AQP7B: variants seen among roughly 807,000 people sequenced by gnomAD.
AQP7B encodes putative aquaporin-7B.
chr2:94,588,695 G>A, the AQP7B span: 1 of 623,414 alleles, frequency 1.6e-6, no homozygotes, highest in Non-Finnish European at 2.9e-6. Flanking sequence ...TCACCTCTGA[G>A]GTCCCAGAAG....
At chr2:94,597,629 T>A in the AQP7B span, among the ~76,000 whole-genome samples, 6 of 151,646 alleles carry the variant, frequency 4.0e-5, no homozygotes, top group African/African-American at 1.5e-4. Flanking sequence ...TTTTTTTGTT[T>A]TTTTTTTGAG....
the AQP7B span, among the ~76,000 whole-genome samples, chr2:94,596,568 T>C: frequency 6.6e-6 from 1 of 152,350 alleles, no homozygotes; most frequent in East Asian, 1.9e-4. Flanking sequence ...GGTCTCTCCC[T>C]GGCTTAAAGC....
chr2:94,589,348 G>C, the AQP7B span, among the ~76,000 whole-genome samples: 4 of 152,072 alleles, frequency 2.6e-5, no homozygotes. Context: ...CAAGCTGAGA[G>C]TCCTCTGGTG....
chr2:94,599,165 T>A, the AQP7B span, among the ~76,000 whole-genome samples: 2 of 152,158 alleles, frequency 1.3e-5, no homozygotes, highest in African/African-American at 4.8e-5. Flanking sequence ...GGGGCCCCTC[T>A]GTTTTCAGAC....
the AQP7B span, among the ~76,000 whole-genome samples, chr2:94,596,155 C>A: frequency 6.6e-6 from 1 of 152,228 alleles, no homozygotes; most frequent in Admixed American, 6.5e-5. Flanking sequence ...AAGGTGAGCA[C>A]TGGCAAGAGG....
chr2:94,604,350 G>C, the AQP7B span: 1 of 1,611,026 alleles, frequency 6.2e-7, no homozygotes, highest in African/African-American at 1.3e-5. Flanking sequence ...TCTCTAGGTG[G>C]CATCATCTAC....
chr2:94,589,770 C>A, the AQP7B span, among the ~76,000 whole-genome samples: 1 of 151,986 alleles, frequency 6.6e-6, no homozygotes, highest in African/African-American at 2.4e-5. Context: ...GAAACAGCCT[C>A]CTCCGCCCCC....
chr2:94,589,087 A>T, the AQP7B span, among the ~76,000 whole-genome samples: 8 of 145,722 alleles, frequency 5.5e-5, no homozygotes, highest in Middle Eastern at 3.9e-3. Context: ...GGTTCAAGTG[A>T]TTCTCTTGCC....
At chr2:94,600,352 AG>A in the AQP7B span, among the ~76,000 whole-genome samples, 3 of 152,216 alleles carry the variant, frequency 2.0e-5, no homozygotes, top group Non-Finnish European at 4.4e-5. Context: ...CACATTAAAA[AG>A]GTAAAAAGCA....
the AQP7B span, among the ~76,000 whole-genome samples, chr2:94,599,666 C>T: frequency 1.3e-5 from 2 of 152,036 alleles, no homozygotes; most frequent in Non-Finnish European, 2.9e-5. Context: ...AGGTACTTTA[C>T]TCTGTCCTTT....
chr2:94,598,167 G>A, the AQP7B span, among the ~76,000 whole-genome samples: 1 of 152,264 alleles, frequency 6.6e-6, no homozygotes, highest in East Asian at 1.9e-4. Flanking sequence ...CGGATATTGT[G>A]TTGTTGTTAT....
chr2:94,603,722 C>G, the AQP7B span: 1 of 1,493,524 alleles, frequency 6.7e-7, no homozygotes, highest in Non-Finnish European at 9.1e-7. Context: ...GAGTGGCTGA[C>G]CAGGATGCTC....
chr2:94,594,582 A>G, the AQP7B span, among the ~76,000 whole-genome samples: 1 of 152,098 alleles, frequency 6.6e-6, no homozygotes. Flanking sequence ...CATGGCTCTC[A>G]AGTGTCTCCA....
At chr2:94,590,961 A>G in the AQP7B span, among the ~76,000 whole-genome samples, 1 of 151,178 alleles carries the variant, frequency 6.6e-6, no homozygotes, top group Non-Finnish European at 1.5e-5. Flanking sequence ...AAAAAAAAAA[A>G]AAAAAAAGAA....
chr2:94,599,674 T>C, the AQP7B span, among the ~76,000 whole-genome samples: 3 of 152,002 alleles, frequency 2.0e-5, no homozygotes, highest in East Asian at 1.9e-4. Context: ...TACTCTGTCC[T>C]TTTTCTCTGT....
the AQP7B span, among the ~76,000 whole-genome samples, chr2:94,597,697 C>T: frequency 2.8e-3 from 425 of 151,742 alleles, 2 homozygotes; most frequent in African/African-American, 9.6e-3. Flanking sequence ...CTCCACCTCC[C>T]GGGTTCAAGC....
the AQP7B span, among the ~76,000 whole-genome samples, chr2:94,595,808 A>G: frequency 4.0e-4 from 61 of 152,308 alleles, no homozygotes; most frequent in African/African-American, 1.4e-3. Context: ...GGCCCAGCAC[A>G]GGGTGAGAGG....
the AQP7B span, chr2:94,603,418 G>T: frequency 6.2e-7 from 1 of 1,609,396 alleles, no homozygotes; most frequent in Non-Finnish European, 8.5e-7. Flanking sequence ...AGAGCTGATG[G>T]TGACCGGTCC....
At chr2:94,603,361 A>G in the AQP7B span, 12 of 1,591,852 alleles carry the variant, frequency 7.5e-6, no homozygotes, top group South Asian at 3.4e-5. Context: ...GCAGGTTCGC[A>G]TGATAGTCTG....
Sources: gnomAD v4.1 joint callset for allele counts (sites outside exome capture counted in the v4.1 genomes callset) on GRCh38, gnomAD v4.1.1 for gene constraint, MANE v1.5 for transcripts, NCBI Gene and HGNC (gene_info 2026-07-23, HGNC 2026-07-21) for gene names.